Variants in KLHL1 observed in about 807,000 individuals in gnomAD.
The protein encoded by KLHL1 is kelch like family member 1.
Under a neutral mutation model 77.7 loss-of-function variants are expected in KLHL1, and 47 were observed. That is an observed-to-expected ratio of 0.60 (90% CI 0.48 to 0.77). KLHL1 has a LOEUF of 0.77. Among genes scored for constraint, KLHL1 ranks in the 30% least tolerant of loss-of-function variants. The probability of loss-of-function intolerance (pLI) is 0.00; values close to 1 mark genes in which losing one functional copy is unlikely to be tolerated. For synonymous variants in KLHL1, 360 were observed against 325.2 expected (o/e 1.11, Z -1.15); for missense variants, 925 against 910.8 (o/e 1.02, Z -0.20).
chr13:69,992,904 T>A (rs1018144480), intron 1 of KLHL1, among the ~76,000 whole-genome samples: 2 of 149,920 alleles, frequency 1.3e-5, no homozygotes, highest in Non-Finnish European at 3.0e-5. Context: ...ACTCTTTGTA[T>A]ATAAATATGC....
chr13:69,740,351 A>G (rs1388322967), intron 8 of KLHL1, 43 bp downstream of exon 8: 1 of 1,351,614 alleles, frequency 7.4e-7, no homozygotes, highest in South Asian at 1.5e-5. Context: ...TTACCCAATA[A>G]CTTTTTTTCT....
intron 1 of KLHL1, among the ~76,000 whole-genome samples, chr13:70,005,791 C>T (rs1048858263): frequency 6.6e-6 from 1 of 151,926 alleles, no homozygotes; most frequent in Non-Finnish European, 1.5e-5. Flanking sequence ...AAAATATACT[C>T]TCAAGCTGTT....
intron 1 of KLHL1, among the ~76,000 whole-genome samples, chr13:70,017,100 C>T (rs558969767): frequency 1.2e-3 from 187 of 152,304 alleles, no homozygotes; most frequent in Middle Eastern, 3.4e-3. Context: ...ACTTTGCTCA[C>T]CCTCCAGTTT....
chr13:70,018,050 G>A (rs190409743), intron 1 of KLHL1, among the ~76,000 whole-genome samples: 1,290 of 100,384 alleles, frequency 0.013, 14 homozygotes, highest in African/African-American at 0.032. Context: ...TAGAACTAGC[G>A]CAAAAAAAAG....
At chr13:69,905,308 C>A (rs926006057) in intron 4 of KLHL1, among the ~76,000 whole-genome samples, 1 of 151,972 alleles carries the variant, frequency 6.6e-6, no homozygotes, top group South Asian at 2.1e-4. Flanking sequence ...TAAAATCATG[C>A]CTTTAATTTT....
chr13:69,827,611 T>C (rs1264433209), intron 6 of KLHL1, among the ~76,000 whole-genome samples: 1 of 150,714 alleles, frequency 6.6e-6, no homozygotes, highest in Non-Finnish European at 1.5e-5. Flanking sequence ...ATGGCTGTAA[T>C]CCCAGCTACT....
At chr13:70,029,532 A>G (rs1051258514) in intron 1 of KLHL1, among the ~76,000 whole-genome samples, 1 of 152,162 alleles carries the variant, frequency 6.6e-6, no homozygotes, top group Non-Finnish European at 1.5e-5. Context: ...GAAATAAAAT[A>G]CTTTACAGAC....
chr13:70,085,324 A>C (rs1887509951), intron 1 of KLHL1, among the ~76,000 whole-genome samples: 1 of 152,202 alleles, frequency 6.6e-6, no homozygotes, highest in African/African-American at 2.4e-5. Flanking sequence ...TGCATTTTAA[A>C]AAGATGTTTC....
At chr13:69,900,683 T>C (rs1881822721) in intron 4 of KLHL1, among the ~76,000 whole-genome samples, 1 of 152,186 alleles carries the variant, frequency 6.6e-6, no homozygotes, top group Non-Finnish European at 1.5e-5. Context: ...ACAGACATCA[T>C]GGACAGAGGG....
chr13:69,940,271 TA>T, intron 3 of KLHL1, 35 bp from the exon 4 acceptor site: 1 of 1,504,148 alleles, frequency 6.6e-7, no homozygotes, highest in South Asian at 1.2e-5. Context: ...GAAACTCTTT[TA>T]AAAACATGAA....
At chr13:70,076,360 A>G (rs952748064) in intron 1 of KLHL1, among the ~76,000 whole-genome samples, 3 of 149,942 alleles carry the variant, frequency 2.0e-5, no homozygotes, top group Non-Finnish European at 3.0e-5. Flanking sequence ...CAATGCCACA[A>G]TGGCATGCCA....
intron 1 of KLHL1, among the ~76,000 whole-genome samples, chr13:70,100,853 T>C (rs1887907762): frequency 6.6e-6 from 1 of 152,220 alleles, no homozygotes; most frequent in Admixed American, 6.6e-5. Context: ...TTTTAGATGG[T>C]ACAATAAAAT....
intron 1 of KLHL1, among the ~76,000 whole-genome samples, chr13:70,013,633 T>C (rs1885588678): frequency 6.6e-6 from 1 of 152,200 alleles, no homozygotes; most frequent in Non-Finnish European, 1.5e-5. Context: ...ATGAATTATG[T>C]TTCCTTAGAA....
Position 69,719,444 on chromosome 13 carries a change from C to A in KLHL1, c.1940G>T (p.Gly647Val). The change falls in exon 9 of 11, where the codon GGT becomes GTT. Residue 647 changes from glycine to valine, a missense_variant. Gly to Val is a moderately radical substitution (Grantham distance 109, BLOSUM62 -3). Coordinates refer to ENST00000377844, the MANE Select transcript of KLHL1 (RefSeq NM_020866.3). Reference protein sequence around the residue: ...RGGVGVATCDGFLYAVGGHDA... With the variant: ...RGGVGVATCDVFLYAVGGHDA... ...ATGACCTCCTACTGCATAAAGAAAA[C>A]CGTCACATGTGGCCACTCCGACACC... 6.2e-7 allele frequency: 1 copy of A among 1,613,580 alleles called. No homozygotes were observed. Among genetic ancestry groups the A allele is most frequent in the Non-Finnish European group, 8.5e-7 (1 of 1,179,762 alleles).
chr13:69,786,988 C>T (rs1254251256), intron 7 of KLHL1, among the ~76,000 whole-genome samples: 1 of 152,070 alleles, frequency 6.6e-6, no homozygotes, highest in Non-Finnish European at 1.5e-5. Context: ...ACAAAACAAA[C>T]ACTGCTCAAT....
chr13:69,910,519 C>T lies in KLHL1; in HGVS notation c.1015-28024G>A, dbSNP rs576165326. Among the ~76,000 whole-genome samples, 10 of 151,992 alleles carry T rather than the reference C, an allele frequency of 6.6e-5. No homozygotes were observed. The East Asian group carries it at 9.7e-4, about 15-fold the overall frequency. On this transcript the variant is annotated intron_variant, in intron 4 of 10. Transcript: ENST00000377844. ...TTATTAAGAAACCACTACTATGTTT[C>T]GGGTATCGGATGGCTGTGGATATAA...
chr13:69,998,137 C>CA (rs760867096), intron 1 of KLHL1, among the ~76,000 whole-genome samples: 41 of 152,150 alleles, frequency 2.7e-4, no homozygotes, highest in Non-Finnish European at 5.3e-4. Context: ...CTCCATCCAC[C>CA]AATTTACCAA....
intron 1 of KLHL1, among the ~76,000 whole-genome samples, chr13:69,985,296 C>T (rs965770657): frequency 2.6e-5 from 4 of 151,756 alleles, no homozygotes; most frequent in African/African-American, 9.7e-5. Flanking sequence ...AAGAAAAAAC[C>T]AATCTGAGTG....
chr13:69,779,368 C>A (rs1365915697), intron 7 of KLHL1, among the ~76,000 whole-genome samples: 3 of 149,616 alleles, frequency 2.0e-5, no homozygotes, highest in Non-Finnish European at 4.4e-5. Flanking sequence ...CCTTTCCTTC[C>A]TCCCCTCCCC....
Sources: gnomAD v4.1 joint callset for allele counts (sites outside exome capture counted in the v4.1 genomes callset) on GRCh38, gnomAD v4.1.1 for gene constraint, MANE v1.5 for transcripts, NCBI Gene and HGNC (gene_info 2026-07-23, HGNC 2026-07-21) for gene names.